Variants in PCDH9 observed in about 807,000 individuals in gnomAD.
PCDH9 encodes protocadherin-9.
A neutral mutation model predicts 70.6 loss-of-function variants in PCDH9; 24 were observed. That is an observed-to-expected ratio of 0.34 (90% confidence interval 0.25 to 0.48). The LOEUF (loss-of-function observed/expected upper bound fraction) is 0.48. Ranked by LOEUF, PCDH9 falls within the 20% of genes least tolerant of loss-of-function variation. PCDH9 has a pLI of 0.99. For missense variants in PCDH9, 1,281 were observed against 1,503.6 expected, an observed-to-expected ratio of 0.85 and a Z score of 2.45; for synonymous variants, 562 against 558.5, an observed-to-expected ratio of 1.01 and a Z score of -0.09.
At chr13:66,748,912 GA>G (rs766770219) in intron 3 of PCDH9, among the ~76,000 whole-genome samples, 1 of 152,124 alleles carries the variant, frequency 6.6e-6, no homozygotes, top group Non-Finnish European at 1.5e-5. Context: ...GGAGATAAGT[GA>G]ATCATGGGGG....
intron 3 of PCDH9, among the ~76,000 whole-genome samples, chr13:66,740,892 A>C (rs2079252809): frequency 8.4e-6 from 1 of 118,962 alleles, no homozygotes; most frequent in African/African-American, 3.2e-5. Context: ...ATGGATTCAC[A>C]GCCGAATTCT....
chr13:67,102,592 A>C (rs2086457635), intron 2 of PCDH9, among the ~76,000 whole-genome samples: 1 of 152,186 alleles, frequency 6.6e-6, no homozygotes, highest in Non-Finnish European at 1.5e-5. Context: ...ATACTTCTTA[A>C]AGTAAAACAC....
At chr13:66,820,233 A>G (rs1255135081) in intron 3 of PCDH9, among the ~76,000 whole-genome samples, 1 of 152,158 alleles carries the variant, frequency 6.6e-6, no homozygotes, top group Non-Finnish European at 1.5e-5. Flanking sequence ...CATATTATAC[A>G]CTATGCACTG....
intron 4 of PCDH9, among the ~76,000 whole-genome samples, chr13:66,462,382 G>A (rs188761615): frequency 7.8e-4 from 118 of 151,944 alleles, no homozygotes; most frequent in Non-Finnish European, 1.4e-3. Context: ...AGGAAGTCAG[G>A]AAGAGACATC....
chr13:66,619,604 A>G (rs1318981676), intron 4 of PCDH9, among the ~76,000 whole-genome samples: 1 of 152,180 alleles, frequency 6.6e-6, no homozygotes, highest in East Asian at 1.9e-4. Context: ...AATTAAATGT[A>G]GTAATTTTGT....
chr13:66,378,210 G>T (rs1043827802), intron 4 of PCDH9, among the ~76,000 whole-genome samples: 1 of 152,132 alleles, frequency 6.6e-6, no homozygotes, highest in Non-Finnish European at 1.5e-5. Context: ...TTAATCACAT[G>T]AACTGTGCTG....
At chr13:67,029,041 G>C (rs17791044) in intron 2 of PCDH9, among the ~76,000 whole-genome samples, 33,272 of 152,012 alleles carry the variant, frequency 0.22, 3,980 homozygotes, top group Admixed American at 0.27. Flanking sequence ...TATTTAATCA[G>C]TAACTTAAAC....
chr13:66,979,797 A>C (rs2083701364), intron 2 of PCDH9, among the ~76,000 whole-genome samples: 1 of 152,042 alleles, frequency 6.6e-6, no homozygotes, highest in Non-Finnish European at 1.5e-5. Flanking sequence ...TCATTTTATA[A>C]GATTTGACTA....
intron 4 of PCDH9, among the ~76,000 whole-genome samples, chr13:66,614,602 T>TC (rs1386349342): frequency 6.6e-6 from 1 of 152,168 alleles, no homozygotes; most frequent in Non-Finnish European, 1.5e-5. Context: ...AAAATTGTCT[T>TC]CCCCGGAAGC....
chr13:66,901,677 T>A (rs1323230906), intron 3 of PCDH9, among the ~76,000 whole-genome samples: 1 of 151,750 alleles, frequency 6.6e-6, no homozygotes, highest in Non-Finnish European at 1.5e-5. Flanking sequence ...AGACCTTTAG[T>A]CAAACCCTGT....
At chr13:67,056,965 G>A (rs2085433037) in intron 2 of PCDH9, among the ~76,000 whole-genome samples, 3 of 152,054 alleles carry the variant, frequency 2.0e-5, no homozygotes, top group Non-Finnish European at 4.4e-5. Context: ...TATTTATACT[G>A]TGTCTATATT....
chr13:67,077,338 C>T (rs1056395045), intron 2 of PCDH9, among the ~76,000 whole-genome samples: 16 of 152,078 alleles, frequency 1.1e-4, no homozygotes, highest in Non-Finnish European at 2.2e-4. Context: ...TGTTATTTTG[C>T]CTCAGATAGT....
At chr13:66,691,258 G>A (rs2209024) in intron 3 of PCDH9, among the ~76,000 whole-genome samples, 66,383 of 151,786 alleles carry the variant, frequency 0.44, 14,546 homozygotes, top group South Asian at 0.46. Flanking sequence ...GGCTGGTCTC[G>A]AATTCCTGAC....
chr13:66,552,751 T>C (rs1048529766), intron 4 of PCDH9, among the ~76,000 whole-genome samples: 2 of 152,026 alleles, frequency 1.3e-5, no homozygotes, highest in Admixed American at 1.3e-4. Flanking sequence ...TATTTTGTAG[T>C]AGTGAAAAGA....
At chr13:67,000,407 A>C (rs2084218246) in intron 2 of PCDH9, among the ~76,000 whole-genome samples, 1 of 151,628 alleles carries the variant, frequency 6.6e-6, no homozygotes, top group Non-Finnish European at 1.5e-5. Context: ...GGTGCAGCAC[A>C]CCAGCATGGC....
intron 4 of PCDH9, among the ~76,000 whole-genome samples, chr13:66,590,744 C>T (rs763961515): frequency 2.6e-5 from 4 of 151,790 alleles, no homozygotes; most frequent in Middle Eastern, 3.2e-3. Context: ...ACTCAGAAAT[C>T]CTAAAACTAA....
At chr13:67,148,337 CAGTT>C (rs2087573791) in intron 2 of PCDH9, among the ~76,000 whole-genome samples, 1 of 151,588 alleles carries the variant, frequency 6.6e-6, no homozygotes, top group Non-Finnish European at 1.5e-5. Flanking sequence ...TTTCCCCAGA[CAGTT>C]AGGGACCAAT....
At chr13:66,568,290 C>A (rs1382841728) in intron 4 of PCDH9, among the ~76,000 whole-genome samples, 3 of 152,022 alleles carry the variant, frequency 2.0e-5, no homozygotes, top group African/African-American at 7.2e-5. Flanking sequence ...ATGGACTTCC[C>A]AAACTTCCAA....
chr13:67,180,215 A>T (rs1338390584), intron 2 of PCDH9, among the ~76,000 whole-genome samples: 1 of 152,094 alleles, frequency 6.6e-6, no homozygotes, highest in Non-Finnish European at 1.5e-5. Flanking sequence ...AATTATGTAT[A>T]TTTTCTGCTT....
Sources: allele counts gnomAD v4.1 joint callset (sites outside exome capture counted in the v4.1 genomes callset), GRCh38; gene constraint gnomAD v4.1.1; transcripts MANE v1.5; gene names NCBI Gene and HGNC (gene_info 2026-07-23, HGNC 2026-07-21).